Variants in SH3D19 observed in about 807,000 individuals in gnomAD.
The protein encoded by SH3D19 is SH3 domain-containing protein 19.
Under a neutral mutation model 112.1 loss-of-function variants are expected in SH3D19, and 58 were observed. That is an observed-to-expected ratio of 0.52 (90% CI 0.42 to 0.64). SH3D19 has a LOEUF of 0.64. Among genes scored for constraint, SH3D19 ranks in the 30% least tolerant of loss-of-function variants. SH3D19 has a pLI of 0.00. For missense variants in SH3D19, 1,090 were observed against 1,263.4 expected (o/e 0.86, Z 2.08); for synonymous variants, 391 against 448.5 (o/e 0.87, Z 1.62).
intron 2 of SH3D19, among the ~76,000 whole-genome samples, chr4:151,212,357 C>G (rs1260806092): frequency 3.3e-5 from 5 of 152,018 alleles, no homozygotes; most frequent in African/African-American, 1.2e-4. Context: ...GTTGCCCAGG[C>G]TGGTCTCAAA....
chr4:151,150,310 CAT>C lies in SH3D19; in HGVS notation c.1756-751_1756-750del, dbSNP rs201818643. Among the ~76,000 whole-genome samples the C allele has an allele frequency of 2.6e-3, 350 of 135,350 alleles. 1 individual carries two copies. The highest frequency in any genetic ancestry group is 8.4e-3 in the African/African-American group (303 of 36,218). The allele number at this position is 135,350 out of a possible 152,430, so 88.8% of individuals were successfully genotyped here. On this transcript the variant is annotated intron_variant, in intron 9 of 19. Coordinates refer to ENST00000604030, the MANE Select transcript of SH3D19 (RefSeq NM_001378122.1). ...ATATATACATATATATATACACACA[CAT>C]ATATATATACATATATATATATATA...
intron 1 of SH3D19, among the ~76,000 whole-genome samples, chr4:151,258,382 C>A (rs956171705): frequency 1.3e-5 from 2 of 152,210 alleles, no homozygotes; most frequent in Non-Finnish European, 2.9e-5. Flanking sequence ...GTCTGCACAG[C>A]CATTTGAGAT....
At chr4:151,170,823 G>T (rs964106448) in intron 7 of SH3D19, 2 of 152,204 alleles carry the variant, frequency 1.3e-5, no homozygotes, top group Admixed American at 6.5e-5. Flanking sequence ...AATGCATACA[G>T]TGAAAACCAG....
At chr4:151,267,161 A>AAAAAAAAAAT (rs1772848342) in intron 1 of SH3D19, among the ~76,000 whole-genome samples, 1 of 70,482 alleles carries the variant, frequency 1.4e-5, no homozygotes, top group Non-Finnish European at 6.2e-5. Flanking sequence ...TCTCTCTAAA[A>AAAAAAAAAAT]AAAAAAAAAA....
In SH3D19 at chr4:151,300,019, C is replaced by T. The variant is rs11735681; in HGVS notation, c.112+25222G>A. 6.6e-5 allele frequency among the ~76,000 whole-genome samples: 10 copies of T among 151,924 alleles called. No homozygotes were observed. In the East Asian group the frequency reaches 9.7e-4, roughly 15 times the overall value. ...GAGTTCGAGACCAGCCTGACCAACACGGAGAAACCCCATGTCTACTAAAAA... is the reference window on the plus strand; with the variant it reads ...GAGTTCGAGACCAGCCTGACCAACATGGAGAAACCCCATGTCTACTAAAAA... On this transcript the variant is annotated intron_variant, in intron 1 of 19. Coordinates refer to ENST00000604030, the MANE Select transcript of SH3D19 (RefSeq NM_001378122.1).
intron 2 of SH3D19, among the ~76,000 whole-genome samples, chr4:151,215,704 T>C (rs1381357975): frequency 6.6e-6 from 1 of 152,184 alleles, no homozygotes; most frequent in East Asian, 1.9e-4. Flanking sequence ...CAAAAACTTA[T>C]CATGAGGGCA....
chr4:151,275,094 T>TG (rs1054418389), intron 1 of SH3D19, among the ~76,000 whole-genome samples: 2 of 151,858 alleles, frequency 1.3e-5, no homozygotes, highest in African/African-American at 2.4e-5. Context: ...AAGATACGTT[T>TG]TTTTTTTTTT....
intron 12 of SH3D19, among the ~76,000 whole-genome samples, chr4:151,143,548 A>AT (rs1459341180): frequency 7.9e-5 from 12 of 152,160 alleles, no homozygotes; most frequent in Non-Finnish European, 1.5e-5. Context: ...ATGGGAAAAG[A>AT]TTATGAAAAC....
chr4:151,138,128 T>C (rs1752229713), intron 13 of SH3D19, among the ~76,000 whole-genome samples: 1 of 152,182 alleles, frequency 6.6e-6, no homozygotes, highest in African/African-American at 2.4e-5. Context: ...TGTTAGCAAA[T>C]GTTTCCTACT....
At chr4:151,169,083 C>CA (rs1221590487) in intron 7 of SH3D19, among the ~76,000 whole-genome samples, 1 of 152,108 alleles carries the variant, frequency 6.6e-6, no homozygotes, top group East Asian at 1.9e-4. Context: ...ACAGTGTGGG[C>CA]AGATCTCACC....
intron 1 of SH3D19, among the ~76,000 whole-genome samples, chr4:151,255,206 C>T (rs1437444334): frequency 2.7e-5 from 4 of 149,264 alleles, no homozygotes; most frequent in African/African-American, 9.9e-5. Flanking sequence ...GGCTGCCGGG[C>T]GGAGAGGCTC....
chr4:151,163,638 C>T (rs183585523), intron 8 of SH3D19, among the ~76,000 whole-genome samples: 47 of 150,658 alleles, frequency 3.1e-4, no homozygotes, highest in African/African-American at 1.1e-3. Flanking sequence ...TGGAGTGCAG[C>T]GGCATGATCT....
chr4:151,219,675 C>T (rs930814915), intron 2 of SH3D19, among the ~76,000 whole-genome samples: 5 of 152,128 alleles, frequency 3.3e-5, no homozygotes, highest in East Asian at 1.9e-4. Context: ...CCTGTATTTA[C>T]TTGTCTTTTT....
intron 17 of SH3D19, among the ~76,000 whole-genome samples, chr4:151,132,123 C>G (rs1218263102): frequency 6.6e-6 from 1 of 152,190 alleles, no homozygotes; most frequent in East Asian, 1.9e-4. Context: ...TCTGCCCAGT[C>G]TCTGTTTTCA....
At position 151,173,931 on chromosome 4, in the gene SH3D19, T is replaced by C. The variant is rs1239411452; in HGVS notation, c.1534+739A>G. Among the ~76,000 whole-genome samples the C allele has an allele frequency of 5.3e-5, 8 of 152,336 alleles. No homozygotes were observed. In the East Asian group the frequency reaches 1.5e-3, roughly 29 times the overall value. Reference sequence around the variant, plus strand: ...GCAGCTTAGTTTGACAAATCAAAGATAAGCTTTACCATCACACTCTCCAAC... The same window carrying C: ...GCAGCTTAGTTTGACAAATCAAAGACAAGCTTTACCATCACACTCTCCAAC... On this transcript the variant is annotated intron_variant, in intron 7 of 19. Transcript: ENST00000604030.
intron 9 of SH3D19, among the ~76,000 whole-genome samples, chr4:151,150,184 CAAAAA>C (rs759365990): frequency 4.2e-4 from 3 of 7,200 alleles, no homozygotes; most frequent in African/African-American, 1.4e-3. Flanking sequence ...GACTCCATCT[CAAAAA>C]AAAAAAAAAA....
intron 2 of SH3D19, among the ~76,000 whole-genome samples, chr4:151,190,355 C>T (rs1037482258): frequency 3.9e-5 from 6 of 152,102 alleles, no homozygotes; most frequent in Non-Finnish European, 8.8e-5. Context: ...TAACAAGGGG[C>T]CAAATGTTAA....
chr4:151,180,020 C>G (rs1760596263), intron 3 of SH3D19, among the ~76,000 whole-genome samples: 1 of 152,012 alleles, frequency 6.6e-6, no homozygotes, highest in Non-Finnish European at 1.5e-5. Context: ...GTAGCTGGGA[C>G]TACAGGCACA....
At chr4:151,170,375 G>C (rs1758839583) in intron 7 of SH3D19, among the ~76,000 whole-genome samples, 1 of 152,038 alleles carries the variant, frequency 6.6e-6, no homozygotes, top group African/African-American at 2.4e-5. Flanking sequence ...TTAAAAATAA[G>C]AGAACAAAAG....
Sources: gnomAD v4.1 joint callset for allele counts (sites outside exome capture counted in the v4.1 genomes callset) on GRCh38, gnomAD v4.1.1 for gene constraint, MANE v1.5 for transcripts, NCBI Gene and HGNC (gene_info 2026-07-23, HGNC 2026-07-21) for gene names.